Variants in NR3C2 observed in about 807,000 individuals in gnomAD.
NR3C2 encodes mineralocorticoid receptor.
A neutral mutation model predicts 86.4 loss-of-function variants in NR3C2; 15 were observed. The ratio of observed to expected loss-of-function variants is 0.17; its 90% CI spans 0.12 to 0.27. The LOEUF is 0.27. NR3C2 is among the 10% of genes least tolerant of loss of function. The pLI, the probability that NR3C2 is intolerant of heterozygous loss-of-function variation, is 1.00. For synonymous variants in NR3C2, 458 were observed against 450.5 expected, an observed-to-expected ratio of 1.02 and a Z score of -0.21; for missense variants, 960 against 1,195.6, an observed-to-expected ratio of 0.80 and a Z score of 2.91.
chr4:148,401,626 G>T (rs1240902321), intron 2 of NR3C2, among the ~76,000 whole-genome samples: 3 of 151,926 alleles, frequency 2.0e-5, no homozygotes, highest in Non-Finnish European at 4.4e-5. Context: ...ACCACGCCCG[G>T]CTAATTTTTG....
chr4:148,164,783 G>A (rs1043608960), intron 4 of NR3C2, among the ~76,000 whole-genome samples: 11 of 152,200 alleles, frequency 7.2e-5, no homozygotes, highest in African/African-American at 2.7e-4. Flanking sequence ...TTCTAACAAG[G>A]TCACAGGGGT....
chr4:148,380,654 C>T (rs957319011), intron 2 of NR3C2, among the ~76,000 whole-genome samples: 16 of 152,122 alleles, frequency 1.1e-4, no homozygotes, highest in African/African-American at 3.4e-4. Flanking sequence ...CGAAGTGGTA[C>T]CTCAGTGGTC....
chr4:148,222,413 G>A (rs1470217770), intron 3 of NR3C2, among the ~76,000 whole-genome samples: 1 of 152,042 alleles, frequency 6.6e-6, no homozygotes, highest in Non-Finnish European at 1.5e-5. Context: ...ATGATTGCCT[G>A]AAAAAAATTC....
chr4:148,324,591 C>G (rs1011924571), intron 2 of NR3C2, among the ~76,000 whole-genome samples: 5 of 151,998 alleles, frequency 3.3e-5, no homozygotes, highest in African/African-American at 1.2e-4. Flanking sequence ...AAATAAGTTC[C>G]AGGAACCTAA....
At chr4:148,242,628 T>A (rs1739113724) in intron 3 of NR3C2, among the ~76,000 whole-genome samples, 1 of 152,224 alleles carries the variant, frequency 6.6e-6, no homozygotes, top group African/African-American at 2.4e-5. Context: ...ATAGACATTT[T>A]CTCTTTCTTC....
chr4:148,417,152 GTCT>G (rs908438163), intron 2 of NR3C2, among the ~76,000 whole-genome samples: 4 of 152,032 alleles, frequency 2.6e-5, no homozygotes, highest in South Asian at 4.2e-4. Flanking sequence ...AGTCTTCATG[GTCT>G]TCTTATTGAT....
intron 4 of NR3C2, among the ~76,000 whole-genome samples, chr4:148,192,670 G>A (rs1736253662): frequency 6.6e-6 from 1 of 151,112 alleles, no homozygotes; most frequent in Non-Finnish European, 1.5e-5. Flanking sequence ...GCTGTGGGGG[G>A]TGGGGTCGAG....
intron 4 of NR3C2, among the ~76,000 whole-genome samples, chr4:148,193,070 C>A (rs1210621938): frequency 6.6e-6 from 1 of 152,230 alleles, no homozygotes; most frequent in Non-Finnish European, 1.5e-5. Flanking sequence ...TTACCCCCTG[C>A]TCCTCTGGCC....
chr4:148,439,901 G>A (rs1361614671), intron 1 of NR3C2, among the ~76,000 whole-genome samples: 5 of 152,214 alleles, frequency 3.3e-5, no homozygotes, highest in Non-Finnish European at 5.9e-5. Flanking sequence ...GGACAAGGTA[G>A]CACCTTACCA....
chr4:148,108,813 T>C (rs1578890987), intron 8 of NR3C2, among the ~76,000 whole-genome samples: 1 of 152,294 alleles, frequency 6.6e-6, no homozygotes, highest in African/African-American at 2.4e-5. Context: ...TACACACACA[T>C]GATGTTTTAA....
intron 3 of NR3C2, among the ~76,000 whole-genome samples, chr4:148,224,208 G>C (rs990007314): frequency 2.0e-5 from 3 of 151,798 alleles, no homozygotes; most frequent in Admixed American, 6.6e-5. Context: ...TCAGGAAGAA[G>C]CAGGTTATCT....
At chr4:148,143,109 G>A (rs555043434) in intron 6 of NR3C2, among the ~76,000 whole-genome samples, 20 of 152,268 alleles carry the variant, frequency 1.3e-4, no homozygotes, top group South Asian at 8.3e-4. Flanking sequence ...TGCAAGAACA[G>A]CCTAATATAG....
intron 3 of NR3C2, among the ~76,000 whole-genome samples, chr4:148,227,683 T>C (rs1354879721): frequency 1.3e-5 from 2 of 152,214 alleles, no homozygotes. Context: ...GATAGATTTA[T>C]TGTGTATGAA....
chr4:148,362,840 A>G (rs960152022), intron 2 of NR3C2, among the ~76,000 whole-genome samples: 4 of 152,260 alleles, frequency 2.6e-5, no homozygotes, highest in Admixed American at 2.0e-4. Context: ...GGCTGACTTA[A>G]GCAGGGAATT....
intron 2 of NR3C2, among the ~76,000 whole-genome samples, chr4:148,432,530 A>G (rs1749842400): frequency 6.6e-6 from 1 of 152,162 alleles, no homozygotes; most frequent in African/African-American, 2.4e-5. Flanking sequence ...AGGTCTCAGG[A>G]ACCCTCAAAC....
chr4:148,279,756 T>C (rs534022689), intron 2 of NR3C2, among the ~76,000 whole-genome samples: 1 of 152,198 alleles, frequency 6.6e-6, no homozygotes, highest in Admixed American at 6.5e-5. Flanking sequence ...AGACAGAGTT[T>C]CACTTTTTGC....
intron 6 of NR3C2, among the ~76,000 whole-genome samples, chr4:148,139,191 T>C (rs17024408): frequency 0.12 from 18,565 of 152,298 alleles, 1,275 homozygotes; most frequent in South Asian, 0.19. Context: ...CTCTATACTG[T>C]GTGTAACTGC....
At chr4:148,120,390 C>T (rs544604179) in intron 6 of NR3C2, 102 bp from the exon 7 acceptor site, 2 of 1,417,810 alleles carry the variant, frequency 1.4e-6, no homozygotes, top group Admixed American at 1.7e-5. Flanking sequence ...TCAGAATTCT[C>T]CTTTTGGCTT....
chr4:148,178,098 G>A (rs1467582894), intron 4 of NR3C2, among the ~76,000 whole-genome samples: 1 of 152,210 alleles, frequency 6.6e-6, no homozygotes, highest in Non-Finnish European at 1.5e-5. Flanking sequence ...AGCACTTTGA[G>A]AGGCCAAGGC....
Sources: gnomAD v4.1 joint callset for allele counts (sites outside exome capture counted in the v4.1 genomes callset) on GRCh38, gnomAD v4.1.1 for gene constraint, MANE v1.5 for transcripts, NCBI Gene and HGNC (gene_info 2026-07-23, HGNC 2026-07-21) for gene names.